The following MYH6 variants were observed in gnomAD, a reference collection of about 807,000 sequenced individuals.
The protein encoded by MYH6 is myosin heavy chain 6.
Under a neutral mutation model 223.2 loss-of-function variants are expected in MYH6, and 126 were observed. The observed-to-expected ratio is 0.56, with a 90% CI of 0.49 to 0.65. The LOEUF (loss-of-function observed/expected upper bound fraction) is 0.65. Ranked by LOEUF, MYH6 falls within the 30% of genes least tolerant of loss-of-function variation. The pLI, the probability that MYH6 is intolerant of heterozygous loss-of-function variation, is 0.00. For missense variants in MYH6, 2,040 were observed against 2,536.4 expected (o/e 0.80, Z 4.20); for synonymous variants, 978 against 1,010.2 (o/e 0.97, Z 0.61).
chr14:23,400,330 T>C lies in MYH6; in HGVS notation c.1507A>G (p.Lys503Glu), dbSNP rs773800447. 3.7e-6 allele frequency: 6 copies of C among 1,614,188 alleles called. No individual in the cohort carries two copies. In the South Asian group the frequency reaches 6.6e-5, roughly 18 times the overall value. ...AATGTCCACTCAATGCCCTCCTTCT[T>C]GTACTCCTCCTGCTCCAGCACGAAC... ...HMFVLEQEEY[K>E]KEGIEWTFID... The change falls in exon 14 of 39, where the codon AAG becomes GAG. Residue 503 changes from lysine (K) to glutamate (E), a missense_variant. Lys to Glu is a moderately conservative substitution (Grantham distance 56, BLOSUM62 1). Coordinates refer to ENST00000405093, the MANE Select transcript of MYH6 (RefSeq NM_002471.4).
chr14:23,396,739 G>C lies in MYH6; in HGVS notation c.2247C>G (p.Ser749Arg). 6.2e-7 allele frequency: 1 copy of C among 1,614,016 alleles called. No individual in the cohort carries two copies. Among genetic ancestry groups the C allele is most frequent in the South Asian group, 1.1e-5 (1 of 91,080 alleles). Residue 749 changes from serine (S) to arginine (R), a missense_variant, in exon 19 of 39, where the codon AGC becomes AGG. Physicochemically the swap from Ser to Arg is moderately radical, Grantham distance 110. Coordinates refer to ENST00000405093, the MANE Select transcript of MYH6 (RefSeq NM_002471.4). ...DSRKGTEKLLSSLDIDHNQYK... is the reference protein window; with the variant it reads ...DSRKGTEKLLRSLDIDHNQYK... ...ACTGGTTGTGATCAATGTCCAGAGA[G>C]CTGAGCAGCTTCTCTGTCCCCTTCC...
Position 23,407,544 on chromosome 14 carries a change from G to C in MYH6, c.-14+32C>G. The C allele has an allele frequency of 1.6e-6, 2 of 1,270,300 alleles. No individual in the cohort carries two copies. The highest frequency in any genetic ancestry group is 2.0e-6 in the Non-Finnish European group (2 of 995,740). 78.7% of individuals were successfully genotyped at this position (1,270,300 alleles called of 1,614,324 possible). On this transcript the variant is annotated intron_variant, in intron 2 of 38. Transcript: ENST00000405093. This position sits in a 1 kb window ranked among gnomAD's most constrained non-coding sequence, Gnocchi z 5.6. ...CGGCTCCCAGGAGAAGCATGCCCCA[G>C]TCTCTGCAGAGAAAATGGGGGCAGT...
rs373887748 is a variant in MYH6, at chr14:23,394,057, C to T, written c.2685+11G>A. On this transcript the variant is annotated intron_variant, in intron 21 of 38. Transcript: ENST00000405093. ...GAGGAGAGGGCTGAAGAGATAATCACGTGGCCTCACCGCCTGCACTTGGAG... is the reference window on the plus strand; with the variant it reads ...GAGGAGAGGGCTGAAGAGATAATCATGTGGCCTCACCGCCTGCACTTGGAG... The T allele has an allele frequency of 2.8e-5, 46 of 1,614,086 alleles. No individual in the cohort carries two copies. The highest frequency in any genetic ancestry group is 2.7e-4 in the East Asian group (12 of 44,874).
intron 25 of MYH6, among the ~76,000 whole-genome samples, chr14:23,392,108 T>C (rs1229362952): frequency 1.3e-5 from 2 of 152,242 alleles, no homozygotes; most frequent in East Asian, 3.9e-4. Flanking sequence ...TTGGCTCTTA[T>C]CATGAGTGCC....
intron 33 of MYH6, 62 bp downstream of exon 33, chr14:23,386,250 ACAC>A: frequency 6.2e-7 from 1 of 1,612,640 alleles, no homozygotes; most frequent in South Asian, 1.1e-5. Flanking sequence ...CTGTATCCAG[ACAC>A]CACTGCTTCT....
intron 14 of MYH6, 83 bp downstream of exon 14, chr14:23,400,173 T>C: frequency 5.0e-6 from 8 of 1,604,550 alleles, no homozygotes; most frequent in Non-Finnish European, 6.0e-6. Context: ...GGGACTCTAG[T>C]TTCTTGGGTG....
rs1891636482 is a variant in MYH6, at chr14:23,402,551, T to C, written c.1054A>G (p.Lys352Glu). 6.2e-7 allele frequency: 1 copy of C among 1,613,748 alleles called. No homozygotes were observed. Among genetic ancestry groups the C allele is most frequent in the Non-Finnish European group, 8.5e-7 (1 of 1,179,946 alleles). The change falls in exon 12 of 39, where the codon AAG (lysine) becomes GAG (glutamate). Residue 352 changes from lysine (K) to glutamate (E), a missense_variant. Physicochemically the swap from Lys to Glu is moderately conservative, Grantham distance 56. Coordinates refer to ENST00000405093, the MANE Select transcript of MYH6 (RefSeq NM_002471.4). ...FTSEEKAGVY[K>E]LTGAIMHYGN... Reference sequence around the variant, plus strand: ...TAGTGCATGATGGCTCCCGTCAGCTTGTAGACGCCAGCTTTCTCCTCTGAA... The same window carrying C: ...TAGTGCATGATGGCTCCCGTCAGCTCGTAGACGCCAGCTTTCTCCTCTGAA...
rs200162237 is a variant in MYH6 at position 23,405,275 on chromosome 14, G to A, written c.450C>T (p.Ala150=). ...CGGAGATGGAGAAGATGTGGGGCGGGGCCTCACTCCTCTTCTTGCCCCGGT... is the reference window on the plus strand; with the variant it reads ...CGGAGATGGAGAAGATGTGGGGCGGAGCCTCACTCCTCTTCTTGCCCCGGT... ...AAYRGKKRSE[A]PPHIFSISDN... The change falls in exon 5 of 39, where the codon GCC becomes GCT. Residue 150 remains alanine, a synonymous_variant. Transcript: ENST00000405093. The surrounding 1 kb of genome is among the most constrained non-coding windows in gnomAD (Gnocchi z 4.7). The A allele has an allele frequency of 6.2e-7, 1 of 1,614,178 alleles. No individual in the cohort carries two copies. Among genetic ancestry groups the A allele is most frequent in the Non-Finnish European group, 8.5e-7 (1 of 1,180,026 alleles).
rs370917581 is a variant in MYH6 at position 23,402,468 on chromosome 14, G to A, written c.1137C>T (p.Thr379=). Residue 379 remains threonine (T), a synonymous_variant, in exon 12 of 39, where the codon ACC becomes ACT. Coordinates refer to ENST00000405093, the MANE Select transcript of MYH6 (RefSeq NM_002471.4). ...CTGCCTGCCTGCCCCTCCCACCTTC[G>A]GTGCCGTCTGGCTCCGCCTGCTCCT... ...QREEQAEPDG[T]EDADKSAYLM... 8.1e-6 allele frequency: 13 copies of A among 1,612,896 alleles called. No individual in the cohort carries two copies. Among genetic ancestry groups the A allele is most frequent in the East Asian group, 2.2e-5 (1 of 44,822 alleles).
rs369275573 is a variant in MYH6, at chr14:23,385,954, C to T, written c.5137G>A (p.Glu1713Lys). The change falls in exon 34 of 39, where the codon GAG becomes AAG. Residue 1713 changes from glutamate (E) to lysine (K), a missense_variant. This residue lies in a region of MYH6 where 1,203 missense variants were observed against 1,400.2 expected (regional missense o/e 0.86). Coordinates refer to ENST00000405093, the MANE Select transcript of MYH6 (RefSeq NM_002471.4). ...LAEQELIETS[E>K]RVQLLHSQNT... ...TGGGAATGCAGCAGCTGCACCCGCT[C>T]GCTGGTCTCAATCAGCTCCTGCTCC... 27 of 1,614,076 alleles carry T rather than the reference C, an allele frequency of 1.7e-5. No homozygotes were observed. Among genetic ancestry groups the T allele is most frequent in the African/African-American group, 1.5e-4 (11 of 74,926 alleles).
In MYH6 at chr14:23,394,180, A is replaced by G. The variant is rs1891326609; in HGVS notation, c.2573T>C (p.Phe858Ser). ...EKEMATMKEE[F>S]GRIKETLEKS... ...CTCCAGCGTCTCTTTGATGCGCCCGAACTCTTCCTTCATGGTGGCCATCTC... is the reference window on the plus strand; with the variant it reads ...CTCCAGCGTCTCTTTGATGCGCCCGGACTCTTCCTTCATGGTGGCCATCTC... Residue 858 changes from phenylalanine to serine, a missense_variant, in exon 21 of 39, where the codon TTC becomes TCC. By Grantham distance (155) the Phe-to-Ser change is radical (BLOSUM62 -2). Around this residue, in one of 4 missense-constraint regions of MYH6, gnomAD observed 1,203 missense variants for 1,400.2 expected, o/e 0.86. Coordinates refer to ENST00000405093, the MANE Select transcript of MYH6 (RefSeq NM_002471.4). 1.2e-6 allele frequency: 2 copies of G among 1,613,998 alleles called. No individual in the cohort carries two copies. The highest frequency in any genetic ancestry group is 1.7e-6 in the Non-Finnish European group (2 of 1,180,008).
Position 23,405,896 on chromosome 14 carries a change from C to T in MYH6, c.202-126G>A, listed in dbSNP as rs1472867970. 4.2e-6 allele frequency: 5 copies of T among 1,195,766 alleles called. No individual in the cohort carries two copies. The highest frequency in any genetic ancestry group is 1.8e-5 in the Admixed American group (1 of 55,068). 74.1% of individuals were successfully genotyped at this position (1,195,766 alleles called of 1,614,324 possible). A position where few individuals can be genotyped will look rare whatever the true frequency, so the allele number is the denominator to read the frequency against. Reference sequence around the variant, plus strand: ...CTTGCTCCCCTTGCTCTGACCAGTGCCCCGGCCCCTACCCCGATGTCCCCT... The same window carrying T: ...CTTGCTCCCCTTGCTCTGACCAGTGTCCCGGCCCCTACCCCGATGTCCCCT... On this transcript the variant is annotated intron_variant, in intron 3 of 38. Transcript: ENST00000405093. This position sits in a 1 kb window ranked among gnomAD's most constrained non-coding sequence, Gnocchi z 4.7.
In MYH6 at chr14:23,400,847, G is replaced by A; in HGVS notation, c.1272C>T (p.Ser424=). ...KGQSVQQVYY[S]IGALAKAVYE... Reference sequence around the variant, plus strand: ...ACACTGCCTTGGCCAGAGCCCCGATGGAGTAGTACACCTGCTGCACGCTCT... The same window carrying A: ...ACACTGCCTTGGCCAGAGCCCCGATAGAGTAGTACACCTGCTGCACGCTCT... Residue 424 remains serine, a synonymous_variant, in exon 13 of 39, where the codon TCC becomes TCT. Coordinates refer to ENST00000405093, the MANE Select transcript of MYH6 (RefSeq NM_002471.4). 1.2e-6 allele frequency: 2 copies of A among 1,614,192 alleles called. No individual in the cohort carries two copies. The highest frequency in any genetic ancestry group is 1.3e-5 in the African/African-American group (1 of 75,040).
At position 23,386,307 on chromosome 14, in the gene MYH6, C is replaced by T; in HGVS notation, c.4959+8G>A. The T allele has an allele frequency of 6.2e-7, 1 of 1,614,138 alleles. No individual in the cohort carries two copies. On this transcript the variant is annotated splice_region_variant and intron_variant, in intron 33 of 38. Transcript: ENST00000405093. ...AGTCCCCTGAGGGGACCTCCCGCCCCCATGTACCTTCAGCAAGCTCTGGAG... is the reference window on the plus strand; with the variant it reads ...AGTCCCCTGAGGGGACCTCCCGCCCTCATGTACCTTCAGCAAGCTCTGGAG...
rs1566509985 is a variant in MYH6, at chr14:23,393,536, A to G, written c.2929-18T>C. Reference sequence around the variant, plus strand: ...TTCTTCACCTGCCGACCAAAAACCCATCCCCTTTAGGGTCAAAGATCACCA... The same window carrying G: ...TTCTTCACCTGCCGACCAAAAACCCGTCCCCTTTAGGGTCAAAGATCACCA... On this transcript the variant is annotated intron_variant, in intron 22 of 38. Coordinates refer to ENST00000405093, the MANE Select transcript of MYH6 (RefSeq NM_002471.4). The G allele has an allele frequency of 6.2e-7, 1 of 1,613,956 alleles. No individual in the cohort carries two copies. The highest frequency in any genetic ancestry group is 1.7e-5 in the Admixed American group (1 of 60,018).
In MYH6 at chr14:23,394,296, G is replaced by T. The variant is rs758852308; in HGVS notation, c.2457C>A (p.Asn819Lys). 6.2e-7 allele frequency: 1 copy of T among 1,614,086 alleles called. No individual in the cohort carries two copies. ...RRDALLVIQW[N>K]IRAFMGVKNW... The stretch of plus-strand genomic sequence containing the variant: ...TCTTGACCCCCATGAAGGCCCGAAT[G>T]TTCCACTGGATTACCAGCAGGGCAT... Residue 819 changes from asparagine (N) to lysine (K), a missense_variant, in exon 21 of 39, where the codon AAC (asparagine) becomes AAA (lysine). Asn to Lys is a moderately conservative substitution (Grantham distance 94). Around this residue, in one of 4 missense-constraint regions of MYH6, gnomAD observed 649 missense variants for 877.3 expected, o/e 0.74. Transcript: ENST00000405093.
intron 10 of MYH6, 68 bp from the exon 11 acceptor site, chr14:23,402,868 T>A: frequency 1.8e-6 from 2 of 1,091,876 alleles, no homozygotes; most frequent in Non-Finnish European, 2.7e-6. Flanking sequence ...GCAGGTAGAG[T>A]TGGGAAAGGG....
rs1385477203 is a variant in MYH6, at chr14:23,403,646, C to A, written c.799+69G>T. On this transcript the variant is annotated intron_variant, in intron 9 of 38. Transcript: ENST00000405093. ...ACAGGAGATGGCAGGAATGATGAGA[C>A]TGGCCGCCAGGCAGGGAGAGAAGGC... 6 of 1,449,836 alleles carry A rather than the reference C, an allele frequency of 4.1e-6. No individual in the cohort carries two copies. In the African/African-American group the frequency reaches 7.0e-5, roughly 17 times the overall value. 89.8% of individuals were successfully genotyped at this position (1,449,836 alleles called of 1,614,324 possible). A position where few individuals can be genotyped will look rare whatever the true frequency, so the allele number is the denominator to read the frequency against.
At chr14:23,385,496 G>C (rs922548487) in intron 34 of MYH6, among the ~76,000 whole-genome samples, 1 of 150,504 alleles carries the variant, frequency 6.6e-6, no homozygotes, top group Non-Finnish European at 1.5e-5. Context: ...CACTGCAAAA[G>C]GTGAGCACAA....
Sources: allele counts gnomAD v4.1 joint callset (sites outside exome capture counted in the v4.1 genomes callset), GRCh38; gene constraint gnomAD v4.1.1; regional missense constraint gnomAD v4.1.1; non-coding constraint Gnocchi (gnomAD v3.1); transcripts MANE v1.5; gene names NCBI Gene and HGNC (gene_info 2026-07-23, HGNC 2026-07-21).